PLB1: variants seen among roughly 807,000 people sequenced by gnomAD.
PLB1 encodes the protein phospholipase B1, also known as phospholipase B1, membrane-associated.
PLB1 carries 242 observed loss-of-function variants against 227.4 expected under a neutral mutation model. That is an observed-to-expected ratio of 1.06 (90% CI 0.96 to 1.18). PLB1 has a LOEUF of 1.18. Ranked by LOEUF, PLB1 falls within the 50% of genes most tolerant of loss-of-function variation. The pLI is 0.00. For missense variants in PLB1, 1,858 were observed against 1,816.3 expected, an observed-to-expected ratio of 1.02 and a Z score of -0.42; for synonymous variants, 757 against 682.2, an observed-to-expected ratio of 1.11 and a Z score of -1.71.
intron 11 of PLB1, 59 bp downstream of exon 11, chr2:28,539,237 T>C: frequency 1.4e-6 from 2 of 1,454,072 alleles, no homozygotes; most frequent in East Asian, 2.3e-5. Context: ...GTGTGCGGCC[T>C]GTGGGGGCCC....
intron 30 of PLB1, 75 bp from the exon 31 acceptor site, chr2:28,591,625 T>C (rs1039989533): frequency 1.4e-6 from 2 of 1,467,554 alleles, no homozygotes; most frequent in African/African-American, 1.4e-5. Flanking sequence ...TTCAAAGTTC[T>C]TGGGGTACAT....
chr2:28,549,969 C>G, intron 15 of PLB1, 41 bp from the exon 16 acceptor site: 1 of 1,547,700 alleles, frequency 6.5e-7, no homozygotes, highest in South Asian at 1.1e-5. Flanking sequence ...GGGATACAGA[C>G]TTCTAGGGTC....
chr2:28,554,609 T>C lies in PLB1; in HGVS notation c.1147+1618T>C, dbSNP rs115196224. Among the ~76,000 whole-genome samples the C allele has an allele frequency of 6.7e-3, 993 of 148,266 alleles. 17 individuals carry two copies. The highest frequency in any genetic ancestry group is 0.024 in the African/African-American group (949 of 40,194). On this transcript the variant is annotated intron_variant, in intron 17 of 57. Coordinates refer to ENST00000327757, the MANE Select transcript of PLB1 (RefSeq NM_153021.5). Reference sequence around the variant, plus strand: ...GCTGGGATTACAGGCATAAACCAGCTCACCTGGTCTAGAGAGAACATCTGA... The same window carrying C: ...GCTGGGATTACAGGCATAAACCAGCCCACCTGGTCTAGAGAGAACATCTGA...
chr2:28,522,720 C>T (rs535150599), intron 4 of PLB1, among the ~76,000 whole-genome samples: 18 of 152,100 alleles, frequency 1.2e-4, no homozygotes, highest in African/African-American at 3.1e-4. Context: ...GTCACTCGGC[C>T]CCCCCTTCTC....
At position 28,598,671 on chromosome 2, in the gene PLB1, C is replaced by G; in HGVS notation, c.2385C>G (p.Asn795Lys). The change falls in exon 35 of 58, where the codon AAC (asparagine) becomes AAG (lysine). Residue 795 changes from asparagine (N) to lysine (K), a missense_variant. Coordinates refer to ENST00000327757, the MANE Select transcript of PLB1 (RefSeq NM_153021.5). ...TTCCAGATATCCTTCGGGAGTTTAA[C>G]AGAAACCTCACAGGCTACGCCGTGG... is the stretch of plus-strand genomic sequence containing the variant. ...TTLPNILREF[N>K]RNLTGYAVGT... 1 of 1,614,048 alleles carries G rather than the reference C, an allele frequency of 6.2e-7. No individual in the cohort carries two copies. The highest frequency in any genetic ancestry group is 8.5e-7 in the Non-Finnish European group (1 of 1,179,870).
intron 15 of PLB1, among the ~76,000 whole-genome samples, chr2:28,549,699 C>T (rs1043212395): frequency 5.3e-5 from 8 of 152,150 alleles, no homozygotes; most frequent in Non-Finnish European, 1.0e-4. Flanking sequence ...CACCTTCTTG[C>T]ACTTTTTGCT....
At chr2:28,581,490 TA>T (rs970307904) in intron 23 of PLB1, among the ~76,000 whole-genome samples, 2 of 12,618 alleles carry the variant, frequency 1.6e-4, no homozygotes, top group Non-Finnish European at 1.1e-3. Context: ...CGCAAAAAAA[TA>T]AATAAATAAA....
chr2:28,577,929 C>T (rs1446413205), intron 21 of PLB1, among the ~76,000 whole-genome samples, 178 bp from the exon 22 acceptor site: 1 of 152,248 alleles, frequency 6.6e-6, no homozygotes, highest in African/African-American at 2.4e-5. Flanking sequence ...CACCACCCCA[C>T]ACCCCCGCAG....
intron 40 of PLB1, 143 bp downstream of exon 40, chr2:28,604,190 C>G: frequency 2.7e-6 from 2 of 735,978 alleles, no homozygotes; most frequent in Non-Finnish European, 4.6e-6. Flanking sequence ...GGGTGCCTTC[C>G]TCTGTCTCAC....
intron 14 of PLB1, among the ~76,000 whole-genome samples, chr2:28,544,476 G>A (rs180844853): frequency 6.6e-6 from 1 of 152,282 alleles, no homozygotes; most frequent in Non-Finnish European, 1.5e-5. Context: ...GCCCTTGAAG[G>A]TACCACCATA....
chr2:28,599,508 C>A (rs1206948387), intron 35 of PLB1, among the ~76,000 whole-genome samples: 1 of 152,208 alleles, frequency 6.6e-6, no homozygotes, highest in Non-Finnish European at 1.5e-5. Flanking sequence ...ACCACCGTGT[C>A]CTAGGAGATC....
chr2:28,582,550 C>G lies in PLB1; in HGVS notation c.1733+45C>G, dbSNP rs140541461. ...CCGATTCTACTAAGAATCCTCACTGCTAAGGGCAGTGGCACCCTTAGCAAA... is the reference window on the plus strand; with the variant it reads ...CCGATTCTACTAAGAATCCTCACTGGTAAGGGCAGTGGCACCCTTAGCAAA... On this transcript the variant is annotated intron_variant, in intron 25 of 57. Coordinates refer to ENST00000327757, the MANE Select transcript of PLB1 (RefSeq NM_153021.5). 375 of 1,448,252 alleles carry G rather than the reference C, an allele frequency of 2.6e-4. 1 individual carries two copies. The African/African-American group carries it at 4.8e-3, about 19-fold the overall frequency. 89.7% of individuals were successfully genotyped at this position (1,448,252 alleles called of 1,614,324 possible). A position where few individuals can be genotyped will look rare whatever the true frequency, so the allele number is the denominator to read the frequency against.
chr2:28,576,060 A>G (rs557240742), intron 21 of PLB1, among the ~76,000 whole-genome samples: 1 of 152,298 alleles, frequency 6.6e-6, no homozygotes, highest in East Asian at 1.9e-4. Context: ...AAGAGTGTAA[A>G]AGTAACCAAA....
chr2:28,563,986 T>C (rs1676451781), intron 18 of PLB1, among the ~76,000 whole-genome samples: 1 of 151,956 alleles, frequency 6.6e-6, no homozygotes, highest in Admixed American at 6.5e-5. Context: ...ACATCTATAA[T>C]CTCAGCACTT....
chr2:28,566,203 G>A lies in PLB1; in HGVS notation c.1281-593G>A, dbSNP rs533382844. ...GCAACACAGTTAAACCCAAACATTT[G>A]GGGAACCTTTTAGATGCTCCTAGAC... On this transcript the variant is annotated intron_variant, in intron 19 of 57. Transcript: ENST00000327757. Among the ~76,000 whole-genome samples the A allele has an allele frequency of 6.6e-5, 10 of 152,124 alleles. No homozygotes were observed. The East Asian group carries it at 1.6e-3, about 24-fold the overall frequency.
At chr2:28,574,246 G>C (rs1678504207) in intron 21 of PLB1, among the ~76,000 whole-genome samples, 3 of 152,010 alleles carry the variant, frequency 2.0e-5, no homozygotes, top group Non-Finnish European at 4.4e-5. Flanking sequence ...GGTTACATGA[G>C]TAAGTTGTTT....
In PLB1 at chr2:28,643,099, C is replaced by T. The variant is rs765481993; in HGVS notation, c.*38C>T. On this transcript the variant is annotated 3_prime_UTR_variant, in exon 58 of 58. Coordinates refer to ENST00000327757, the MANE Select transcript of PLB1 (RefSeq NM_153021.5). The stretch of plus-strand genomic sequence containing the variant: ...GTCCTCACCCTAAACTCCCTATAGC[C>T]ACTCTCTTCACCGCCCTCTGCCCCA... The T allele has an allele frequency of 8.5e-5, 128 of 1,512,796 alleles. 2 individuals carry two copies. The South Asian group carries it at 1.4e-3, about 16-fold the overall frequency. The allele number at this position is 1,512,796 out of a possible 1,614,324, so 93.7% of individuals were successfully genotyped here.
At position 28,632,181 on chromosome 2, in the gene PLB1, C is replaced by T. The variant is rs770404292; in HGVS notation, c.4002+41C>T. 14 of 1,485,050 alleles carry T rather than the reference C, an allele frequency of 9.4e-6. No homozygotes were observed. In the South Asian group the frequency reaches 1.6e-4, roughly 17 times the overall value. 92.0% of individuals were successfully genotyped at this position (1,485,050 alleles called of 1,614,324 possible). A position where few individuals can be genotyped will look rare whatever the true frequency, so the allele number is the denominator to read the frequency against. ...TTTAGGGAGGCTCACGTATGGGGGC[C>T]TTATCACAGACGATGGATGTATTTC... On this transcript the variant is annotated intron_variant, in intron 55 of 57. Coordinates refer to ENST00000327757, the MANE Select transcript of PLB1 (RefSeq NM_153021.5).
chr2:28,529,542 C>A, intron 7 of PLB1, 135 bp downstream of exon 7: 1 of 939,946 alleles, frequency 1.1e-6, no homozygotes, highest in South Asian at 1.6e-5. Flanking sequence ...CCCAAATGCC[C>A]CCTCAAGCTG....
Sources: gnomAD v4.1 joint callset for allele counts (sites outside exome capture counted in the v4.1 genomes callset) on GRCh38, gnomAD v4.1.1 for gene constraint, MANE v1.5 for transcripts, NCBI Gene and HGNC (gene_info 2026-07-23, HGNC 2026-07-21) for gene names.